The following SNAP91 variants were observed in gnomAD, a reference collection of about 807,000 sequenced individuals.
SNAP91 encodes the protein clathrin coat assembly protein AP180.
Under a neutral mutation model 100.3 loss-of-function variants are expected in SNAP91, and 27 were observed. The observed-to-expected ratio is 0.27, with a 90% CI of 0.20 to 0.37. The LOEUF (loss-of-function observed/expected upper bound fraction) is 0.37, where lower values mean the gene tolerates loss of function less well. Ranked by LOEUF, SNAP91 falls within the 10% of genes least tolerant of loss-of-function variation. The pLI is 1.00. For synonymous variants in SNAP91, 404 were observed against 398.6 expected, an observed-to-expected ratio of 1.01 and a Z score of -0.16; for missense variants, 986 against 1,123.7, an observed-to-expected ratio of 0.88 and a Z score of 1.75.
At chr6:83,675,970 G>C (rs149802714) in intron 2 of SNAP91, among the ~76,000 whole-genome samples, 1,709 of 151,990 alleles carry the variant, frequency 0.011, 24 homozygotes, top group African/African-American at 0.036. Context: ...AAAATGGCTA[G>C]ACATCATCAT....
chr6:83,687,736 C>T lies in SNAP91; in HGVS notation c.130+20062G>A, dbSNP rs529380613. Among the ~76,000 whole-genome samples, 11 of 152,252 alleles carry T rather than the reference C, an allele frequency of 7.2e-5. No homozygotes were observed. In the East Asian group the frequency reaches 1.4e-3, roughly 19 times the overall value. On this transcript the variant is annotated intron_variant, in intron 2 of 29. Transcript: ENST00000369694. ...AGCAGAATCAGGCAGCCATCACAGT[C>T]GTCCTGGTAAGAGATGATGAAAACT...
In SNAP91 at chr6:83,560,136, G is replaced by A; in HGVS notation, c.2599C>T (p.Pro867Ser). Residue 867 changes from proline (P) to serine (S), a missense_variant, in exon 28 of 30, where the codon CCC becomes TCC. Coordinates refer to ENST00000369694, the MANE Select transcript of SNAP91 (RefSeq NM_001242792.2). Reference sequence around the variant, plus strand: ...CCAGGTACAGCGGCAGCTCCAAAGGGGGGCCTCATCATGGGCTGTGCAAAC... The same window carrying A: ...CCAGGTACAGCGGCAGCTCCAAAGGAGGGCCTCATCATGGGCTGTGCAAAC... The part of the protein sequence containing the change: ...VMFAQPMMRP[P>S]FGAAAVPGTQ... 2 of 1,613,908 alleles carry A rather than the reference G, an allele frequency of 1.2e-6. No homozygotes were observed.
chr6:83,682,253 C>T lies in SNAP91; in HGVS notation c.131-16672G>A, dbSNP rs536544609. On this transcript the variant is annotated intron_variant, in intron 2 of 29. Coordinates refer to ENST00000369694, the MANE Select transcript of SNAP91 (RefSeq NM_001242792.2). ...AGTACGGTGGTACAATCATGGCTCACTGAAGCCTCAACCTCTTGGGCTCAA... is the reference window on the plus strand; with the variant it reads ...AGTACGGTGGTACAATCATGGCTCATTGAAGCCTCAACCTCTTGGGCTCAA... Among the ~76,000 whole-genome samples, 4 of 148,724 alleles carry T rather than the reference C, an allele frequency of 2.7e-5. No homozygotes were observed. In the South Asian group the frequency reaches 6.5e-4, roughly 24 times the overall value.
chr6:83,583,128 A>T (rs1030489648), intron 22 of SNAP91, among the ~76,000 whole-genome samples: 1 of 152,144 alleles, frequency 6.6e-6, no homozygotes, highest in Non-Finnish European at 1.5e-5. Context: ...CGCCACTCGC[A>T]GTGTCAGATG....
At chr6:83,652,541 C>T (rs893898444) in intron 7 of SNAP91, among the ~76,000 whole-genome samples, 5 of 152,024 alleles carry the variant, frequency 3.3e-5, no homozygotes, top group Non-Finnish European at 5.9e-5. Flanking sequence ...TTCATTTCAC[C>T]TATATATAAG....
At chr6:83,675,909 G>A (rs773078450) in intron 2 of SNAP91, among the ~76,000 whole-genome samples, 1 of 148,696 alleles carries the variant, frequency 6.7e-6, no homozygotes, top group Non-Finnish European at 1.5e-5. Context: ...AAAAAGATTT[G>A]GCCATGGCAG....
intron 11 of SNAP91, 78 bp from the exon 12 acceptor site, chr6:83,610,755 A>ATG (rs1554253944): frequency 3.5e-5 from 8 of 227,264 alleles, no homozygotes; most frequent in Non-Finnish European, 5.9e-5. Context: ...ATAAATATAT[A>ATG]TGTGAATATA....
intron 26 of SNAP91, among the ~76,000 whole-genome samples, chr6:83,568,619 C>G (rs867170745): frequency 5.9e-5 from 9 of 152,106 alleles, no homozygotes; most frequent in Non-Finnish European, 1.0e-4. Context: ...GTTCAATATT[C>G]AAGTCCTGCT....
intron 2 of SNAP91, among the ~76,000 whole-genome samples, chr6:83,675,212 C>T (rs2128867932): frequency 6.6e-6 from 1 of 152,274 alleles, no homozygotes; most frequent in Non-Finnish European, 1.5e-5. Flanking sequence ...ATAAATATGC[C>T]TAATACAATA....
intron 2 of SNAP91, among the ~76,000 whole-genome samples, chr6:83,675,847 C>CACACACACACACACACACACAT (rs1205575128): frequency 6.6e-6 from 1 of 151,262 alleles, no homozygotes; most frequent in African/African-American, 2.4e-5. Context: ...CACACACACA[C>CACACACACACACACACACACAT]ACACACACAC....
chr6:83,556,082 AT>A (rs1777460747), intron 29 of SNAP91, 60 bp downstream of exon 29: 1 of 872,102 alleles, frequency 1.1e-6, no homozygotes, highest in Non-Finnish European at 1.8e-6. Context: ...TACCTCTGAA[AT>A]AGCTAAGCAT....
chr6:83,623,053 G>T (rs1045584504), intron 9 of SNAP91, among the ~76,000 whole-genome samples: 1 of 152,092 alleles, frequency 6.6e-6, no homozygotes, highest in South Asian at 2.1e-4. Context: ...ATGAAAAGAT[G>T]AGTTCATTTA....
At chr6:83,690,527 T>C in intron 2 of SNAP91, 1 of 680,276 alleles carries the variant, frequency 1.5e-6, no homozygotes, top group Non-Finnish European at 2.2e-6. Context: ...GCGTTTTGTT[T>C]GGTTGGTTAT....
At chr6:83,611,772 C>T (rs1488107770) in intron 11 of SNAP91, among the ~76,000 whole-genome samples, 3 of 151,336 alleles carry the variant, frequency 2.0e-5, no homozygotes, top group Non-Finnish European at 4.4e-5. Context: ...TCTCAGCTCA[C>T]TGCAAGCTCC....
intron 8 of SNAP91, among the ~76,000 whole-genome samples, chr6:83,630,711 G>A (rs1212555938): frequency 6.6e-6 from 1 of 151,268 alleles, no homozygotes; most frequent in Non-Finnish European, 1.5e-5. Context: ...TTCTTACTGA[G>A]CTTATTTGGA....
intron 26 of SNAP91, among the ~76,000 whole-genome samples, chr6:83,568,913 G>A (rs1453691520): frequency 6.6e-6 from 1 of 152,126 alleles, no homozygotes; most frequent in Non-Finnish European, 1.5e-5. Context: ...TTTTCCTTGA[G>A]TATTCCTAGA....
intron 2 of SNAP91, among the ~76,000 whole-genome samples, chr6:83,685,926 A>G (rs920554390): frequency 6.6e-6 from 1 of 151,616 alleles, no homozygotes; most frequent in Non-Finnish European, 1.5e-5. Context: ...TTTTTTTTTC[A>G]CCTTTAACAT....
intron 12 of SNAP91, 98 bp from the exon 13 acceptor site, chr6:83,607,906 A>ATT (rs370803749): frequency 2.2e-5 from 10 of 459,680 alleles, no homozygotes; most frequent in East Asian, 4.0e-5. Flanking sequence ...ATGCCCAGCA[A>ATT]TTTTTTTTTT....
At chr6:83,595,360 T>G (rs2094339327) in intron 16 of SNAP91, among the ~76,000 whole-genome samples, 1 of 152,242 alleles carries the variant, frequency 6.6e-6, no homozygotes. Context: ...TTTTCACATT[T>G]TAAGACTATA....
Sources: gnomAD v4.1 joint callset for allele counts (sites outside exome capture counted in the v4.1 genomes callset) on GRCh38, gnomAD v4.1.1 for gene constraint, MANE v1.5 for transcripts, NCBI Gene and HGNC (gene_info 2026-07-23, HGNC 2026-07-21) for gene names.